The following ADGRG5 variants were observed in gnomAD, a reference collection of about 807,000 sequenced individuals.
ADGRG5 encodes the protein G protein-coupled receptor 114.
Under a neutral mutation model 53.2 loss-of-function variants are expected in ADGRG5, and 37 were observed. The ratio of observed to expected loss-of-function variants is 0.70; its 90% CI spans 0.53 to 0.91. The LOEUF (loss-of-function observed/expected upper bound fraction) is 0.91, where lower values mean the gene tolerates loss of function less well. ADGRG5 is among the 40% of genes least tolerant of loss of function. The pLI is 0.00. For synonymous variants in ADGRG5, 277 were observed against 290.4 expected (o/e 0.95, Z 0.47); for missense variants, 614 against 675.8 (o/e 0.91, Z 1.01).
At chr16:57,562,922 G>A (rs543754807) in intron 3 of ADGRG5, among the ~76,000 whole-genome samples, 169 bp from the exon 4 acceptor site, 2 of 152,282 alleles carry the variant, frequency 1.3e-5, no homozygotes, top group Non-Finnish European at 2.9e-5. Context: ...GGGATAGATG[G>A]GGTAGGGAGG....
At chr16:57,552,433 A>T (rs1453753573) in intron 1 of ADGRG5, among the ~76,000 whole-genome samples, 10 of 152,212 alleles carry the variant, frequency 6.6e-5, no homozygotes, top group African/African-American at 2.2e-4. Flanking sequence ...CTCCATCAGC[A>T]CTTGCTGTTT....
In ADGRG5 at chr16:57,574,548, G is replaced by C. The variant is rs9936714; in HGVS notation, c.1209-267G>C. On this transcript the variant is annotated intron_variant, in intron 10 of 11. Transcript: ENST00000349457. The surrounding 1 kb of genome is among the most constrained non-coding windows in gnomAD (Gnocchi z 4.4). Reference sequence around the variant, plus strand: ...GAAAGGAGAGAGGAAGAATTTTCAGGGGGGTGAAGACATGGGGACGTGAGA... The same window carrying C: ...GAAAGGAGAGAGGAAGAATTTTCAGCGGGGTGAAGACATGGGGACGTGAGA... Among the ~76,000 whole-genome samples the C allele has an allele frequency of 4.3e-3, 650 of 152,364 alleles. 3 individuals are homozygous for C. Among genetic ancestry groups the C allele is most frequent in the African/African-American group, 0.015 (624 of 41,576 alleles).
chr16:57,557,808 A>G (rs1226349625), intron 1 of ADGRG5, among the ~76,000 whole-genome samples: 1 of 152,230 alleles, frequency 6.6e-6, no homozygotes, highest in Non-Finnish European at 1.5e-5. Flanking sequence ...TATTTCTAAC[A>G]TTTCTACTTG....
At chr16:57,540,220 C>A (rs1055478418), upstream of ADGRG5, among the ~76,000 whole-genome samples, 1 of 151,958 alleles carries the variant, frequency 6.6e-6, no homozygotes, top group Non-Finnish European at 1.5e-5. Context: ...TCCAGCCTGG[C>A]GACAGAGTGA....
chr16:57,530,869 C>G, the ADGRG5 span, among the ~76,000 whole-genome samples: 1 of 151,946 alleles, frequency 6.6e-6, no homozygotes, highest in South Asian at 2.1e-4. Flanking sequence ...CTCTGTCACC[C>G]GGCCACCTGT....
upstream of ADGRG5, among the ~76,000 whole-genome samples, chr16:57,538,848 T>C (rs2032447658): frequency 1.3e-5 from 2 of 152,246 alleles, no homozygotes; most frequent in Admixed American, 1.3e-4. Context: ...CATTTCACTT[T>C]GTAGGACCTA....
chr16:57,532,540 A>G, the ADGRG5 span, among the ~76,000 whole-genome samples: 1 of 152,206 alleles, frequency 6.6e-6, no homozygotes, highest in Non-Finnish European at 1.5e-5. Flanking sequence ...GGGCAGACAC[A>G]CATATGCTCA....
chr16:57,536,971 C>T, the ADGRG5 span, among the ~76,000 whole-genome samples: 2 of 152,190 alleles, frequency 1.3e-5, no homozygotes, highest in African/African-American at 2.4e-5. Flanking sequence ...TGCATTTTTC[C>T]CTGGGCCAGC....
chr16:57,554,672 G>A (rs542377560), intron 1 of ADGRG5, among the ~76,000 whole-genome samples: 30 of 152,152 alleles, frequency 2.0e-4, no homozygotes, highest in African/African-American at 6.5e-4. Context: ...CACCACGCTC[G>A]GCCATAATTT....
upstream of ADGRG5, among the ~76,000 whole-genome samples, chr16:57,539,450 A>G (rs2032457018): frequency 1.3e-5 from 1 of 77,006 alleles, no homozygotes; most frequent in Non-Finnish European, 2.6e-5. Flanking sequence ...ATTGCACTGT[A>G]CCCCTTTTTT....
At chr16:57,544,218 A>G (rs1242152365) in intron 1 of ADGRG5, among the ~76,000 whole-genome samples, 1 of 151,856 alleles carries the variant, frequency 6.6e-6, no homozygotes, top group Non-Finnish European at 1.5e-5. Context: ...CCTCAAGCAG[A>G]CTCCTCTTAC....
At chr16:57,561,310 G>A (rs1334555142) in intron 1 of ADGRG5, among the ~76,000 whole-genome samples, 2 of 152,208 alleles carry the variant, frequency 1.3e-5, no homozygotes, top group African/African-American at 4.8e-5. Context: ...CTCTGCAGTT[G>A]TTTTCTTTCC....
At chr16:57,556,469 A>G (rs765002488) in intron 1 of ADGRG5, among the ~76,000 whole-genome samples, 8 of 152,084 alleles carry the variant, frequency 5.3e-5, no homozygotes, top group Non-Finnish European at 1.2e-4. Context: ...GCTGTATCTT[A>G]TAATTTTCTC....
Position 57,575,506 on chromosome 16 carries a change from G to C in ADGRG5, c.1555G>C (p.Glu519Gln), listed in dbSNP as rs1302744753. 1.9e-6 allele frequency: 3 copies of C among 1,614,194 alleles called. No individual in the cohort carries two copies. Among genetic ancestry groups the C allele is most frequent in the Non-Finnish European group, 2.5e-6 (3 of 1,179,982 alleles). Reference sequence around the variant, plus strand: ...AGAAGCAGAGGCCAAGGCACAGATAGAGGCCTTCAGCTCCTCCCAAACAAC... The same window carrying C: ...AGAAGCAGAGGCCAAGGCACAGATACAGGCCTTCAGCTCCTCCCAAACAAC... Reference protein sequence around the residue: ...RSEAEAKAQIEAFSSSQTTQ With the variant: ...RSEAEAKAQIQAFSSSQTTQ The change falls in exon 12 of 12, where the codon GAG becomes CAG. Residue 519 changes from glutamate (E) to glutamine (Q), a missense_variant. Transcript: ENST00000349457.
chr16:57,557,705 A>G (rs530350352), intron 1 of ADGRG5, among the ~76,000 whole-genome samples: 1 of 152,314 alleles, frequency 6.6e-6, no homozygotes, highest in South Asian at 2.1e-4. Context: ...TTTATATTAC[A>G]CTATCATCAA....
chr16:57,570,408 C>T lies in ADGRG5; in HGVS notation c.1091-10C>T, dbSNP rs1277981338. 6.3e-7 allele frequency: 1 copy of T among 1,596,140 alleles called. No individual in the cohort carries two copies. Among genetic ancestry groups the T allele is most frequent in the Non-Finnish European group, 8.6e-7 (1 of 1,166,596 alleles). Reference sequence around the variant, plus strand: ...TCCCACATCTCCTGAGCCTTTGTCCCACCCCTCAGGGGCCCCAGCCCTCCT... The same window carrying T: ...TCCCACATCTCCTGAGCCTTTGTCCTACCCCTCAGGGGCCCCAGCCCTCCT... On this transcript the variant is annotated splice_polypyrimidine_tract_variant and intron_variant, in intron 9 of 11. Coordinates refer to ENST00000349457, the MANE Select transcript of ADGRG5 (RefSeq NM_001304376.3).
Position 57,563,224 on chromosome 16 carries a change from G to A in ADGRG5, c.274G>A (p.Ala92Thr), listed in dbSNP as rs2033047264. 1 of 1,614,084 alleles carries A rather than the reference G, an allele frequency of 6.2e-7. No individual in the cohort carries two copies. The highest frequency in any genetic ancestry group is 1.6e-4 in the Middle Eastern group (1 of 6,062). Residue 92 changes from alanine (A) to threonine (T), a missense_variant, in exon 4 of 12, where the codon GCC (alanine) becomes ACC (threonine). By Grantham distance (58) the Ala-to-Thr change is moderately conservative. Transcript: ENST00000349457. ...CDFSGLSLTSATLKRVPQAGG... is the reference protein window; with the variant it reads ...CDFSGLSLTSTTLKRVPQAGG... ...CTTCTCTGGCCTCTCGCTGACCAGT[G>A]CCACTCTGAAGCGGGTGCCCCAGGT...
At chr16:57,551,806 C>G (rs1431247118) in intron 1 of ADGRG5, among the ~76,000 whole-genome samples, 1 of 152,190 alleles carries the variant, frequency 6.6e-6, no homozygotes, top group Non-Finnish European at 1.5e-5. Flanking sequence ...TTACTTTGCC[C>G]TGATCCATCA....
chr16:57,558,926 C>A lies in ADGRG5; in HGVS notation c.-38-3130C>A, dbSNP rs188322143. 3.9e-3 allele frequency among the ~76,000 whole-genome samples: 587 copies of A among 151,648 alleles called. 5 individuals are homozygous for A. Among genetic ancestry groups the A allele is most frequent in the African/African-American group, 0.013 (552 of 41,342 alleles). ...GTGGTGCTATCACGGCTCACTGCAG[C>A]CTCCAACTTCCCAGGCTCAGGTGAT... is the stretch of plus-strand genomic sequence containing the variant. On this transcript the variant is annotated intron_variant, in intron 1 of 11. Coordinates refer to ENST00000349457, the MANE Select transcript of ADGRG5 (RefSeq NM_001304376.3).
Sources: allele counts gnomAD v4.1 joint callset (sites outside exome capture counted in the v4.1 genomes callset), GRCh38; gene constraint gnomAD v4.1.1; non-coding constraint Gnocchi (gnomAD v3.1); transcripts MANE v1.5; gene names NCBI Gene and HGNC (gene_info 2026-07-23, HGNC 2026-07-21).